DLGAP2: variants seen among roughly 807,000 people sequenced by gnomAD.
DLGAP2 encodes disks large-associated protein 2.
In DLGAP2, 26 loss-of-function variants were observed where a neutral mutation model predicts 100.3. The ratio of observed to expected loss-of-function variants is 0.26; its 90% confidence interval spans 0.19 to 0.36. The LOEUF (loss-of-function observed/expected upper bound fraction) is 0.36, where lower values mean the gene tolerates loss of function less well. DLGAP2 is among the 10% of genes least tolerant of loss of function. The probability of loss-of-function intolerance (pLI) is 1.00; values close to 1 mark genes in which losing one functional copy is unlikely to be tolerated. For synonymous variants in DLGAP2, 886 were observed against 630.1 expected, an observed-to-expected ratio of 1.41 and a Z score of -6.08; for missense variants, 1,858 against 1,453.2, an observed-to-expected ratio of 1.28 and a Z score of -4.53.
chr8:1,185,617 A>T (rs567079319), intron 2 of DLGAP2, among the ~76,000 whole-genome samples: 3 of 152,256 alleles, frequency 2.0e-5, no homozygotes, highest in African/African-American at 7.2e-5. Context: ...TAAAAAAGAA[A>T]ATGTAAAAAG....
chr8:1,476,807 G>T (rs1034612541), intron 3 of DLGAP2, among the ~76,000 whole-genome samples: 1 of 148,944 alleles, frequency 6.7e-6, no homozygotes, highest in Non-Finnish European at 1.5e-5. Context: ...ACCCACCCGT[G>T]ATGGCTGAGT....
chr8:1,433,737 G>GTTTTT (rs755896961), intron 3 of DLGAP2, among the ~76,000 whole-genome samples: 7 of 52,598 alleles, frequency 1.3e-4, no homozygotes, highest in East Asian at 3.9e-3. Context: ...GGCAAAACTG[G>GTTTTT]CTTTTTTTTT....
chr8:1,562,005 C>T (rs1188874053), intron 5 of DLGAP2, among the ~76,000 whole-genome samples: 1 of 49,482 alleles, frequency 2.0e-5, no homozygotes, highest in Admixed American at 3.0e-4. Flanking sequence ...GGGGTGTCGG[C>T]GCCTCGTTAC....
At chr8:1,218,967 A>G (rs1798265804) in intron 2 of DLGAP2, among the ~76,000 whole-genome samples, 1 of 152,156 alleles carries the variant, frequency 6.6e-6, no homozygotes, top group Admixed American at 6.6e-5. Flanking sequence ...ATTTTTGTAC[A>G]CTGAGTTTAT....
chr8:973,079 T>C (rs1387697244), intron 2 of DLGAP2, among the ~76,000 whole-genome samples: 1 of 152,248 alleles, frequency 6.6e-6, no homozygotes, highest in Non-Finnish European at 1.5e-5. Context: ...CCCCCTTTTC[T>C]ATTCGACAAA....
intron 2 of DLGAP2, among the ~76,000 whole-genome samples, chr8:982,370 T>C (rs550046848): frequency 1.4e-4 from 22 of 152,376 alleles, no homozygotes; most frequent in African/African-American, 5.0e-4. Flanking sequence ...TGTTGATATT[T>C]TTGTGGCTTC....
At chr8:1,674,247 G>A (rs1320745983) in intron 10 of DLGAP2, among the ~76,000 whole-genome samples, 6 of 152,096 alleles carry the variant, frequency 3.9e-5, no homozygotes, top group African/African-American at 1.4e-4. Context: ...GTCTTGCCAT[G>A]TTGCCTAGGC....
intron 2 of DLGAP2, among the ~76,000 whole-genome samples, chr8:1,196,174 C>T (rs1585141938): frequency 6.6e-6 from 1 of 152,350 alleles, no homozygotes; most frequent in East Asian, 1.9e-4. Flanking sequence ...CTGTTAAAGA[C>T]CCTACTTTCA....
At chr8:1,460,988 T>C (rs1287135044) in intron 3 of DLGAP2, among the ~76,000 whole-genome samples, 2 of 152,238 alleles carry the variant, frequency 1.3e-5, no homozygotes, top group Non-Finnish European at 2.9e-5. Flanking sequence ...CCTGGGTTTC[T>C]GCCTCCATAA....
chr8:1,656,001 G>T (rs537921054), intron 8 of DLGAP2, among the ~76,000 whole-genome samples: 1 of 152,336 alleles, frequency 6.6e-6, no homozygotes, highest in East Asian at 1.9e-4. Flanking sequence ...GAACCCAAGT[G>T]TAATGGTATT....
intron 6 of DLGAP2, among the ~76,000 whole-genome samples, chr8:1,597,908 G>C (rs1328051455): frequency 1.3e-5 from 2 of 152,098 alleles, no homozygotes; most frequent in Non-Finnish European, 2.9e-5. Context: ...TCACTATGTT[G>C]AATAGGAATG....
At chr8:921,027 A>T (rs976969617) in intron 2 of DLGAP2, among the ~76,000 whole-genome samples, 1 of 152,080 alleles carries the variant, frequency 6.6e-6, no homozygotes, top group African/African-American at 2.4e-5. Context: ...TCCACATCAC[A>T]GGTTTACCTA....
Position 1,678,263 on chromosome 8 carries a change from G to A in DLGAP2, c.2338G>A (p.Asp780Asn), listed in dbSNP as rs1798857044. The A allele has an allele frequency of 3.7e-6, 6 of 1,613,780 alleles. No homozygotes were observed. Among genetic ancestry groups the A allele is most frequent in the Non-Finnish European group, 5.1e-6 (6 of 1,179,854 alleles). ...SNSVTAAVQA[D>N]LELEGFPGHI... ...CAGCGTCACGGCCGCCGTCCAAGCT[G>A]ACCTGGAGCTGGAGGGGTTCCCAGG... The change falls in exon 12 of 15, where the codon GAC (aspartate) becomes AAC (asparagine). Residue 780 changes from aspartate (D) to asparagine (N), a missense_variant. Transcript: ENST00000637795.
intron 3 of DLGAP2, among the ~76,000 whole-genome samples, chr8:1,311,873 C>T (rs1191786519): frequency 1.3e-5 from 2 of 152,180 alleles, no homozygotes; most frequent in Non-Finnish European, 2.9e-5. Flanking sequence ...GTATATGCAC[C>T]TGACAACAGT....
At chr8:910,661 A>G (rs1372347654) in intron 2 of DLGAP2, 1 of 152,088 alleles carries the variant, frequency 6.6e-6, no homozygotes, top group Non-Finnish European at 1.5e-5. Flanking sequence ...TTTGGTTTGC[A>G]ACCTACCTGG....
chr8:1,445,554 G>A (rs537486925), intron 3 of DLGAP2, among the ~76,000 whole-genome samples: 23 of 152,126 alleles, frequency 1.5e-4, no homozygotes, highest in Admixed American at 1.0e-3. Flanking sequence ...AAACACACGC[G>A]TGCACGTGTC....
At chr8:1,652,002 C>G (rs1445713458) in intron 8 of DLGAP2, among the ~76,000 whole-genome samples, 1 of 152,210 alleles carries the variant, frequency 6.6e-6, no homozygotes, top group Non-Finnish European at 1.5e-5. Flanking sequence ...CTCGTTTCTG[C>G]AAGCCCCACT....
At chr8:1,600,495 A>G (rs1422290694) in intron 6 of DLGAP2, among the ~76,000 whole-genome samples, 2 of 152,252 alleles carry the variant, frequency 1.3e-5, no homozygotes, top group East Asian at 1.9e-4. Context: ...TCTCCCCGTC[A>G]CTTTCAGGTA....
intron 3 of DLGAP2, among the ~76,000 whole-genome samples, chr8:1,386,748 G>C (rs1330250729): frequency 6.6e-6 from 1 of 152,052 alleles, no homozygotes; most frequent in Non-Finnish European, 1.5e-5. Context: ...GGAAAGCCCA[G>C]GCCACACCAG....
Sources: gnomAD v4.1 joint callset for allele counts (sites outside exome capture counted in the v4.1 genomes callset) on GRCh38, gnomAD v4.1.1 for gene constraint, MANE v1.5 for transcripts, NCBI Gene and HGNC (gene_info 2026-07-23, HGNC 2026-07-21) for gene names.